Variants in EPHA6 observed in about 807,000 individuals in gnomAD.
The protein encoded by EPHA6 is ephrin type-A receptor 6.
EPHA6 carries 50 observed loss-of-function variants against 112.0 expected under a neutral mutation model. That is an observed-to-expected ratio of 0.45 (90% CI 0.36 to 0.56). EPHA6 has a LOEUF of 0.56. Ranked by LOEUF, EPHA6 falls within the 20% of genes least tolerant of loss-of-function variation. EPHA6 has a pLI of 0.00. For missense variants in EPHA6, 1,280 were observed against 1,417.4 expected (o/e 0.90, Z 1.56); for synonymous variants, 529 against 490.7 (o/e 1.08, Z -1.03).
chr3:97,104,308 G>A (rs536248423), intron 3 of EPHA6, among the ~76,000 whole-genome samples: 175 of 152,174 alleles, frequency 1.1e-3, no homozygotes, highest in African/African-American at 3.9e-3. Flanking sequence ...TTACTATTTC[G>A]TGATATGTTT....
At chr3:97,121,501 A>G (rs189673376) in intron 3 of EPHA6, among the ~76,000 whole-genome samples, 2 of 152,052 alleles carry the variant, frequency 1.3e-5, no homozygotes, top group African/African-American at 4.8e-5. Flanking sequence ...GTACACTCCT[A>G]CTTTCTGGTG....
intron 2 of EPHA6, among the ~76,000 whole-genome samples, chr3:96,927,869 A>G (rs1002185249): frequency 6.6e-6 from 1 of 152,186 alleles, no homozygotes; most frequent in Non-Finnish European, 1.5e-5. Context: ...CAGGTAATGT[A>G]TAAACCAAGG....
chr3:97,067,628 A>G (rs2046219479), intron 3 of EPHA6, among the ~76,000 whole-genome samples: 1 of 152,092 alleles, frequency 6.6e-6, no homozygotes, highest in Non-Finnish European at 1.5e-5. Context: ...GCCAAGTGGC[A>G]TAAGCAAACT....
chr3:97,685,416 A>C (rs2032176780), intron 14 of EPHA6, among the ~76,000 whole-genome samples: 1 of 152,194 alleles, frequency 6.6e-6, no homozygotes. Flanking sequence ...GCTAGATTAC[A>C]CTACAGTGTC....
intron 11 of EPHA6, among the ~76,000 whole-genome samples, chr3:97,565,014 A>T (rs1279220666): frequency 6.6e-6 from 1 of 152,214 alleles, no homozygotes; most frequent in Non-Finnish European, 1.5e-5. Context: ...GATGATATCC[A>T]CAATATTCAA....
chr3:97,295,088 T>C (rs2080828546), intron 5 of EPHA6, among the ~76,000 whole-genome samples: 1 of 152,176 alleles, frequency 6.6e-6, no homozygotes, highest in South Asian at 2.1e-4. Context: ...TTTGGGGATC[T>C]CTGAGTTTCT....
chr3:97,214,465 GA>G (rs1256026649), intron 3 of EPHA6, among the ~76,000 whole-genome samples: 1 of 137,048 alleles, frequency 7.3e-6, no homozygotes, highest in Non-Finnish European at 1.5e-5. Context: ...TAGGCAACAA[GA>G]GCGAAACTTT....
At chr3:97,576,580 A>G (rs921663200) in intron 11 of EPHA6, among the ~76,000 whole-genome samples, 3 of 152,218 alleles carry the variant, frequency 2.0e-5, no homozygotes, top group African/African-American at 7.2e-5. Context: ...TAAGTGAAAG[A>G]AGGATTCCAT....
intron 3 of EPHA6, among the ~76,000 whole-genome samples, chr3:97,121,544 T>C (rs981459759): frequency 1.3e-5 from 2 of 152,054 alleles, no homozygotes; most frequent in African/African-American, 4.8e-5. Flanking sequence ...TGCTTCAGAT[T>C]CCAAATACAA....
At chr3:97,176,688 C>T (rs552353418) in intron 3 of EPHA6, among the ~76,000 whole-genome samples, 1 of 151,762 alleles carries the variant, frequency 6.6e-6, no homozygotes, top group Non-Finnish European at 1.5e-5. Context: ...CATATAGTTG[C>T]TCATAGTAGC....
intron 5 of EPHA6, among the ~76,000 whole-genome samples, chr3:97,308,394 C>G (rs542694562): frequency 6.6e-6 from 1 of 151,686 alleles, no homozygotes; most frequent in Non-Finnish European, 1.5e-5. Flanking sequence ...GAAATTTTGC[C>G]TTTCTATCTC....
chr3:96,936,957 G>A (rs576316496), intron 2 of EPHA6, among the ~76,000 whole-genome samples: 5 of 152,270 alleles, frequency 3.3e-5, no homozygotes, highest in Non-Finnish European at 7.4e-5. Context: ...TTTTATGGCT[G>A]CATAGTATTC....
intron 3 of EPHA6, among the ~76,000 whole-genome samples, chr3:97,009,521 A>C (rs954239680): frequency 1.3e-5 from 2 of 152,196 alleles, no homozygotes; most frequent in African/African-American, 2.4e-5. Flanking sequence ...TCCCCCATCC[A>C]GGGAGCTTAG....
chr3:97,686,550 C>T (rs2032266424), intron 14 of EPHA6, among the ~76,000 whole-genome samples: 1 of 152,166 alleles, frequency 6.6e-6, no homozygotes, highest in South Asian at 2.1e-4. Context: ...TTTTATAGTG[C>T]AGGACCAGAC....
chr3:97,514,278 CAG>C (rs1240558623), intron 10 of EPHA6, among the ~76,000 whole-genome samples: 1 of 152,118 alleles, frequency 6.6e-6, no homozygotes, highest in Non-Finnish European at 1.5e-5. Flanking sequence ...TTGAAGTCAT[CAG>C]TATAGTATCT....
intron 5 of EPHA6, among the ~76,000 whole-genome samples, chr3:97,310,872 A>G (rs114777020): frequency 6.6e-6 from 1 of 151,878 alleles, no homozygotes; most frequent in African/African-American, 2.4e-5. Flanking sequence ...ATTCATTTGT[A>G]TGGTACAATG....
At chr3:96,931,502 G>T (rs977926554) in intron 2 of EPHA6, among the ~76,000 whole-genome samples, 4 of 152,182 alleles carry the variant, frequency 2.6e-5, no homozygotes, top group Non-Finnish European at 5.9e-5. Flanking sequence ...GCCTGGCTGG[G>T]AGCCCCCATT....
intron 5 of EPHA6, among the ~76,000 whole-genome samples, chr3:97,335,263 C>G (rs1310665731): frequency 6.6e-6 from 1 of 152,254 alleles, no homozygotes; most frequent in Middle Eastern, 3.4e-3. Context: ...CTAGATATCT[C>G]TCTCTCTCTG....
At chr3:97,591,811 G>C (rs557243075) in intron 11 of EPHA6, among the ~76,000 whole-genome samples, 1 of 152,008 alleles carries the variant, frequency 6.6e-6, no homozygotes, top group Admixed American at 6.6e-5. Flanking sequence ...TTCTAGTGTG[G>C]GAAGAGTTTG....
Sources: gnomAD v4.1 joint callset for allele counts (sites outside exome capture counted in the v4.1 genomes callset) on GRCh38, gnomAD v4.1.1 for gene constraint, MANE v1.5 for transcripts, NCBI Gene and HGNC (gene_info 2026-07-23, HGNC 2026-07-21) for gene names.